Variants in FRAS1 observed in about 807,000 individuals in gnomAD.
FRAS1 encodes the protein Fraser extracellular matrix complex subunit 1.
Under a neutral mutation model 435.2 loss-of-function variants are expected in FRAS1, and 290 were observed. The ratio of observed to expected loss-of-function variants is 0.67; its 90% CI spans 0.61 to 0.73. The LOEUF (loss-of-function observed/expected upper bound fraction) is 0.73, where lower values mean the gene tolerates loss of function less well. FRAS1 is among the 30% of genes least tolerant of loss of function. The probability of loss-of-function intolerance (pLI) is 0.00; values close to 1 mark genes in which losing one functional copy is unlikely to be tolerated. For missense variants in FRAS1, 4,860 were observed against 5,001.5 expected, an observed-to-expected ratio of 0.97 and a Z score of 0.85; for synonymous variants, 1,800 against 1,851.0, an observed-to-expected ratio of 0.97 and a Z score of 0.71.
Position 78,102,121 on chromosome 4 carries a change from A to ATT in FRAS1, c.108+36113_108+36114dup, listed in dbSNP as rs11399357. ...ACTTTGATCACGGTTGAATATGGTG[A>ATT]TTTTTTTTTAAAAGGAAACAAAAGG... On this transcript the variant is annotated intron_variant, in intron 2 of 73. Transcript: ENST00000512123. 7.9e-4 allele frequency among the ~76,000 whole-genome samples: 120 copies of ATT among 151,864 alleles called. 1 individual carries two copies. The highest frequency in any genetic ancestry group is 2.8e-3 in the African/African-American group (115 of 41,372).
chr4:78,275,257 A>T (rs1286766356), intron 9 of FRAS1, among the ~76,000 whole-genome samples: 1 of 151,376 alleles, frequency 6.6e-6, no homozygotes, highest in East Asian at 1.9e-4. Context: ...ATTGGTCTTG[A>T]CTCTTTATCC....
Position 78,375,797 on chromosome 4 carries a change from T to C in FRAS1, c.3210T>C (p.His1070=), listed in dbSNP as rs777297554. Residue 1070 remains histidine, a synonymous_variant, in exon 26 of 74, where the codon CAT becomes CAC. Transcript: ENST00000512123. The stretch of plus-strand genomic sequence containing the variant: ...GGGACCGTTGTCACCTCTGTGACCA[T>C]GGGTTCTTTCTGAAGAGTGGCCTCT... ...SHRDRCHLCD[H]GFFLKSGLCV... 1 of 1,613,036 alleles carries C rather than the reference T, an allele frequency of 6.2e-7. No homozygotes were observed. The highest frequency in any genetic ancestry group is 8.5e-7 in the Non-Finnish European group (1 of 1,179,380).
intron 15 of FRAS1, among the ~76,000 whole-genome samples, chr4:78,313,257 T>G (rs1729104854): frequency 6.6e-6 from 1 of 152,194 alleles, no homozygotes; most frequent in South Asian, 2.1e-4. Context: ...CAGGGGTGAT[T>G]TTCTTTTTCC....
chr4:78,274,777 G>A (rs1244483414), intron 9 of FRAS1, among the ~76,000 whole-genome samples: 12 of 152,132 alleles, frequency 7.9e-5, no homozygotes, highest in Non-Finnish European at 1.5e-4. Flanking sequence ...GTGCTGAAAA[G>A]AATGTATATT....
chr4:78,382,161 A>G (rs1732047004), intron 27 of FRAS1, among the ~76,000 whole-genome samples: 1 of 152,134 alleles, frequency 6.6e-6, no homozygotes, highest in Non-Finnish European at 1.5e-5. Flanking sequence ...TTGCTGATAT[A>G]CTGAACACTG....
chr4:78,506,989 GCCACTACTT>G (rs1720867192), intron 61 of FRAS1, among the ~76,000 whole-genome samples: 1 of 152,150 alleles, frequency 6.6e-6, no homozygotes, highest in Non-Finnish European at 1.5e-5. Context: ...ATAACCTTGA[GCCACTACTT>G]CTCAGGAGAC....
intron 27 of FRAS1, among the ~76,000 whole-genome samples, chr4:78,382,982 A>T (rs1053219804): frequency 2.6e-5 from 4 of 152,238 alleles, no homozygotes; most frequent in Non-Finnish European, 5.9e-5. Flanking sequence ...TAGTTCCAAG[A>T]ATAACTTCTA....
intron 14 of FRAS1, among the ~76,000 whole-genome samples, chr4:78,294,363 T>C (rs908936435): frequency 5.3e-5 from 8 of 152,032 alleles, no homozygotes; most frequent in African/African-American, 1.7e-4. Context: ...GGGTGTAGGA[T>C]TGGGGAGGGA....
chr4:78,151,252 C>T (rs1365297778), intron 2 of FRAS1, among the ~76,000 whole-genome samples: 1 of 151,866 alleles, frequency 6.6e-6, no homozygotes, highest in East Asian at 1.9e-4. Context: ...TTTTTTACAC[C>T]TCAGTTATAC....
chr4:78,526,867 G>A (rs1578374731), intron 70 of FRAS1, among the ~76,000 whole-genome samples: 1 of 151,998 alleles, frequency 6.6e-6, no homozygotes, highest in Admixed American at 6.6e-5. Context: ...TTCTTGTTGC[G>A]GCTCTCATAC....
chr4:78,365,751 C>A (rs1484327), intron 22 of FRAS1, among the ~76,000 whole-genome samples: 68,344 of 128,356 alleles, frequency 0.53, 18,843 homozygotes, highest in Non-Finnish European at 0.63. Context: ...AAAAAAAAAA[C>A]AAAAAAAAAA....
At chr4:78,341,003 C>T (rs1343756701) in intron 20 of FRAS1, among the ~76,000 whole-genome samples, 1 of 152,090 alleles carries the variant, frequency 6.6e-6, no homozygotes, top group Non-Finnish European at 1.5e-5. Context: ...TGAATTCAGC[C>T]CACAACAGAA....
At chr4:78,474,852 T>A (rs1719811094) in intron 53 of FRAS1, among the ~76,000 whole-genome samples, 1 of 152,224 alleles carries the variant, frequency 6.6e-6, no homozygotes, top group Non-Finnish European at 1.5e-5. Flanking sequence ...GGCCTTCTAC[T>A]TTACAAATGC....
intron 2 of FRAS1, among the ~76,000 whole-genome samples, chr4:78,232,459 G>T (rs1724556881): frequency 6.6e-6 from 1 of 151,962 alleles, no homozygotes; most frequent in South Asian, 2.1e-4. Flanking sequence ...CTAATTTTTT[G>T]TGTTTTTAGT....
At chr4:78,425,609 T>G (rs1424144173) in intron 35 of FRAS1, among the ~76,000 whole-genome samples, 1 of 152,190 alleles carries the variant, frequency 6.6e-6, no homozygotes, top group East Asian at 1.9e-4. Context: ...AAAATCGCAC[T>G]TGAATCAATA....
In FRAS1 at chr4:78,452,277, A is replaced by T; in HGVS notation, c.6686A>T (p.Asp2229Val). 6.2e-7 allele frequency: 1 copy of T among 1,613,436 alleles called. No individual in the cohort carries two copies. Among genetic ancestry groups the T allele is most frequent in the Non-Finnish European group, 8.5e-7 (1 of 1,179,462 alleles). ...CTGCAGCTGTCTGCCACTGACCAGGACAGTGGGCCTACAGAATTGATCTAC... is the reference window on the plus strand; with the variant it reads ...CTGCAGCTGTCTGCCACTGACCAGGTCAGTGGGCCTACAGAATTGATCTAC... ...TTLQLSATDQ[D>V]SGPTELIYRI... The change falls in exon 47 of 74, where the codon GAC becomes GTC. Residue 2229 changes from aspartate to valine, a missense_variant. Physicochemically the swap from Asp to Val is radical, Grantham distance 152. Transcript: ENST00000512123.
In FRAS1 at chr4:78,237,554, C is replaced by T; in HGVS notation, c.153C>T (p.Cys51=). 1.4e-5 allele frequency: 22 copies of T among 1,613,236 alleles called. No individual in the cohort carries two copies. Among genetic ancestry groups the T allele is most frequent in the Non-Finnish European group, 1.8e-5 (21 of 1,179,420 alleles). ...CCGATTCATGCCAGAGCTGCCGTTG[C>T]CATGGTGATATTGTTATCTGCAAAC... ...WKPDSCQSCR[C]HGDIVICKPA... Residue 51 remains cysteine, a synonymous_variant, in exon 3 of 74, where the codon TGC becomes TGT. Coordinates refer to ENST00000512123, the MANE Select transcript of FRAS1 (RefSeq NM_025074.7).
chr4:78,515,698 T>C (rs968218585), intron 65 of FRAS1, 101 bp from the exon 66 acceptor site: 2 of 1,041,738 alleles, frequency 1.9e-6, no homozygotes, highest in African/African-American at 1.6e-5. Context: ...TCTCAGGTGA[T>C]TGAAAGTGCT....
At chr4:78,218,573 C>T (rs1335864703) in intron 2 of FRAS1, among the ~76,000 whole-genome samples, 1 of 152,144 alleles carries the variant, frequency 6.6e-6, no homozygotes, top group African/African-American at 2.4e-5. Context: ...GCTCCTGGAT[C>T]TTGTCTAATG....
Sources: gnomAD v4.1 joint callset for allele counts (sites outside exome capture counted in the v4.1 genomes callset) on GRCh38, gnomAD v4.1.1 for gene constraint, MANE v1.5 for transcripts, NCBI Gene and HGNC (gene_info 2026-07-23, HGNC 2026-07-21) for gene names.